PARD3B: variants seen among roughly 807,000 people sequenced by gnomAD.
PARD3B encodes par-3 family cell polarity regulator beta.
A neutral mutation model predicts 130.2 loss-of-function variants in PARD3B; 103 were observed. The observed-to-expected ratio is 0.79, with a 90% CI of 0.67 to 0.93. The LOEUF is 0.93. PARD3B is among the 40% of genes least tolerant of loss of function. PARD3B has a pLI of 0.00. For synonymous variants in PARD3B, 583 were observed against 553.2 expected, an observed-to-expected ratio of 1.05 and a Z score of -0.76; for missense variants, 1,609 against 1,499.2, an observed-to-expected ratio of 1.07 and a Z score of -1.21.
chr2:204,991,996 G>T (rs1314023158), intron 3 of PARD3B, among the ~76,000 whole-genome samples: 2 of 151,872 alleles, frequency 1.3e-5, no homozygotes, highest in Non-Finnish European at 1.5e-5. Context: ...CAGATGAGTA[G>T]GTTGCAAAAA....
intron 3 of PARD3B, among the ~76,000 whole-genome samples, chr2:205,004,070 A>T (rs1010638128): frequency 6.6e-6 from 1 of 152,182 alleles, no homozygotes; most frequent in African/African-American, 2.4e-5. Flanking sequence ...GCAGTTTCAT[A>T]ATCAGTGTAA....
chr2:205,346,484 A>G (rs185627275), intron 18 of PARD3B, among the ~76,000 whole-genome samples: 43 of 152,286 alleles, frequency 2.8e-4, no homozygotes, highest in Non-Finnish European at 4.0e-4. Context: ...AATTGGGACA[A>G]TCAAAGAGGT....
At chr2:205,346,745 C>T (rs1421798723) in intron 18 of PARD3B, among the ~76,000 whole-genome samples, 2 of 152,156 alleles carry the variant, frequency 1.3e-5, no homozygotes, top group African/African-American at 4.8e-5. Context: ...TGTGATCACA[C>T]CCATGTACTC....
At chr2:205,528,516 A>G (rs1466657116) in intron 21 of PARD3B, among the ~76,000 whole-genome samples, 3 of 150,726 alleles carry the variant, frequency 2.0e-5, no homozygotes, top group Non-Finnish European at 4.4e-5. Context: ...TTTTTGAAAC[A>G]GAGTCTTGCT....
At chr2:205,085,905 G>A (rs889869829) in intron 4 of PARD3B, among the ~76,000 whole-genome samples, 1 of 152,058 alleles carries the variant, frequency 6.6e-6, no homozygotes, top group Non-Finnish European at 1.5e-5. Context: ...TTATCATTCT[G>A]ATACATTATA....
intron 20 of PARD3B, among the ~76,000 whole-genome samples, chr2:205,459,507 A>C (rs1345766932): frequency 6.6e-6 from 1 of 152,220 alleles, no homozygotes; most frequent in Non-Finnish European, 1.5e-5. Flanking sequence ...GGCCTGGTAC[A>C]TGATAGACAC....
At chr2:205,586,721 T>A (rs1231989795) in intron 22 of PARD3B, among the ~76,000 whole-genome samples, 1 of 152,180 alleles carries the variant, frequency 6.6e-6, no homozygotes, top group Non-Finnish European at 1.5e-5. Context: ...ACAATTTTCC[T>A]ATACTTGACA....
intron 2 of PARD3B, among the ~76,000 whole-genome samples, chr2:204,934,271 TTAAAAA>T (rs1328670246): frequency 6.6e-6 from 1 of 152,206 alleles, no homozygotes; most frequent in Admixed American, 6.5e-5. Flanking sequence ...CTCTGAGTGT[TTAAAAA>T]TATGTTTAAT....
intron 2 of PARD3B, among the ~76,000 whole-genome samples, chr2:204,861,837 C>T (rs1046737302): frequency 1.4e-5 from 2 of 143,070 alleles, no homozygotes; most frequent in Non-Finnish European, 3.0e-5. Context: ...TACTCAATTA[C>T]CAAAATGAAA....
chr2:204,826,145 T>C (rs1054621344), intron 2 of PARD3B, among the ~76,000 whole-genome samples: 1 of 152,184 alleles, frequency 6.6e-6, no homozygotes, highest in African/African-American at 2.4e-5. Flanking sequence ...TACAGTCTTA[T>C]AATAACCTTG....
At chr2:205,434,356 A>T (rs2047437536) in intron 19 of PARD3B, among the ~76,000 whole-genome samples, 1 of 152,158 alleles carries the variant, frequency 6.6e-6, no homozygotes, top group African/African-American at 2.4e-5. Context: ...TTGCTAGTAT[A>T]TAGTATAATG....
chr2:204,749,460 T>C (rs2040375905), intron 2 of PARD3B, among the ~76,000 whole-genome samples: 1 of 152,190 alleles, frequency 6.6e-6, no homozygotes, highest in African/African-American at 2.4e-5. Context: ...TCATAGAGAA[T>C]ATGAGTAGGA....
chr2:205,342,796 C>T (rs1367365503), intron 18 of PARD3B, among the ~76,000 whole-genome samples: 1 of 152,114 alleles, frequency 6.6e-6, no homozygotes, highest in African/African-American at 2.4e-5. Flanking sequence ...TTATTCCATC[C>T]AGGTGTCAAC....
intron 1 of PARD3B, among the ~76,000 whole-genome samples, chr2:204,642,201 T>G (rs16836450): frequency 6.6e-6 from 1 of 152,170 alleles, no homozygotes; most frequent in Non-Finnish European, 1.5e-5. Flanking sequence ...TAATTATCTA[T>G]GGGTGCACTG....
intron 6 of PARD3B, among the ~76,000 whole-genome samples, chr2:205,117,400 G>A (rs2029951621): frequency 6.6e-6 from 1 of 152,154 alleles, no homozygotes; most frequent in South Asian, 2.1e-4. Flanking sequence ...GCAGCGTGCT[G>A]TATTCATTTA....
rs2033341362 is a variant in PARD3B, at chr2:205,146,146, C to G, written c.1435-12576C>G. Among the ~76,000 whole-genome samples the G allele has an allele frequency of 6.6e-6, 1 of 152,208 alleles. No individual in the cohort carries two copies. Among genetic ancestry groups the G allele is most frequent in the African/African-American group, 2.4e-5 (1 of 41,458 alleles). The stretch of plus-strand genomic sequence containing the variant: ...TACAGCAGGCACCGTAGCCCATGTA[C>G]TCACTTTAATGAGATGCTCTGTACT... On this transcript the variant is annotated intron_variant, in intron 10 of 22. Coordinates refer to ENST00000406610, the MANE Select transcript of PARD3B (RefSeq NM_001302769.2). This position sits in a 1 kb window ranked among gnomAD's most constrained non-coding sequence, Gnocchi z 4.3.
At chr2:204,624,920 G>A (rs939632096) in intron 1 of PARD3B, among the ~76,000 whole-genome samples, 3 of 151,930 alleles carry the variant, frequency 2.0e-5, no homozygotes, top group South Asian at 2.1e-4. Context: ...TTAATTCTTC[G>A]GTCATTCTAA....
chr2:205,377,763 A>ATTTTTTTTT (rs3048124), intron 18 of PARD3B, among the ~76,000 whole-genome samples: 2 of 117,500 alleles, frequency 1.7e-5, no homozygotes, highest in African/African-American at 7.5e-5. Context: ...GTGTAATCCA[A>ATTTTTTTTT]TTTTTTTTTT....
chr2:204,902,351 A>G (rs2046891000), intron 2 of PARD3B, among the ~76,000 whole-genome samples: 1 of 151,826 alleles, frequency 6.6e-6, no homozygotes, highest in South Asian at 2.1e-4. Context: ...GCTTCTGAAT[A>G]GCTAGACGTT....
Sources: gnomAD v4.1 joint callset for allele counts (sites outside exome capture counted in the v4.1 genomes callset) on GRCh38, gnomAD v4.1.1 for gene constraint, Gnocchi (gnomAD v3.1) non-coding constraint, MANE v1.5 for transcripts, NCBI Gene and HGNC (gene_info 2026-07-23, HGNC 2026-07-21) for gene names.